Variants in BPTF observed in about 807,000 individuals in gnomAD.
The protein encoded by BPTF is nucleosome-remodeling factor subunit BPTF.
BPTF carries 18 observed loss-of-function variants against 292.5 expected under a neutral mutation model. The observed-to-expected ratio is 0.06, with a 90% CI of 0.04 to 0.09. The LOEUF is 0.09. BPTF is among the 10% of genes least tolerant of loss of function. The probability of loss-of-function intolerance (pLI) is 1.00; values close to 1 mark genes in which losing one functional copy is unlikely to be tolerated. For missense variants in BPTF, 2,726 were observed against 3,498.7 expected (o/e 0.78, Z 5.57); for synonymous variants, 1,225 against 1,251.9 (o/e 0.98, Z 0.45).
chr17:67,929,568 T>A, intron 17 of BPTF, 81 bp downstream of exon 17: 2 of 1,471,534 alleles, frequency 1.4e-6, no homozygotes, highest in East Asian at 2.4e-5. Context: ...CCAAGATTAA[T>A]CCAACTCAGT....
intron 11 of BPTF, among the ~76,000 whole-genome samples, chr17:67,915,968 T>G (rs2062957017): frequency 6.6e-6 from 1 of 152,216 alleles, no homozygotes; most frequent in African/African-American, 2.4e-5. Context: ...TTAAAGTCAT[T>G]GTTTGACCAC....
chr17:67,893,744 A>G lies in BPTF; in HGVS notation c.2411+19A>G. 6.7e-7 allele frequency: 1 copy of G among 1,482,768 alleles called. No individual in the cohort carries two copies. The highest frequency in any genetic ancestry group is 9.3e-7 in the Non-Finnish European group (1 of 1,080,920). 91.9% of individuals were successfully genotyped at this position (1,482,768 alleles called of 1,614,324 possible). On this transcript the variant is annotated intron_variant, in intron 6 of 27. Coordinates refer to ENST00000306378, the MANE Select transcript of BPTF (RefSeq NM_182641.4). ...CACATAGGTAAAGGAAACTAAGGTTAATTTATTGCTGTAAATATACTAAAT... is the reference window on the plus strand; with the variant it reads ...CACATAGGTAAAGGAAACTAAGGTTGATTTATTGCTGTAAATATACTAAAT...
At chr17:67,885,078 A>T (rs1410315640) in intron 4 of BPTF, among the ~76,000 whole-genome samples, 1 of 152,202 alleles carries the variant, frequency 6.6e-6, no homozygotes, top group African/African-American at 2.4e-5. Context: ...GAAACCCAAA[A>T]TTATACATTA....
At chr17:67,834,243 GATTTCTAAT>G (rs2144022070) in intron 1 of BPTF, among the ~76,000 whole-genome samples, 1 of 152,184 alleles carries the variant, frequency 6.6e-6, no homozygotes, top group South Asian at 2.1e-4. Context: ...TTCTGTTACT[GATTTCTAAT>G]TTAATTTCAT....
chr17:67,863,507 A>G (rs913069916), intron 2 of BPTF, among the ~76,000 whole-genome samples: 3 of 152,094 alleles, frequency 2.0e-5, no homozygotes, highest in African/African-American at 7.2e-5. Flanking sequence ...GATGGTCTCC[A>G]TCTCCTGACC....
intron 7 of BPTF, 21 bp downstream of exon 7, chr17:67,894,186 G>A: frequency 6.2e-7 from 1 of 1,612,138 alleles, no homozygotes; most frequent in Non-Finnish European, 8.5e-7. Context: ...TCTGAGCCTT[G>A]TAAATGATGA....
intron 1 of BPTF, among the ~76,000 whole-genome samples, chr17:67,838,827 C>G (rs554412736): frequency 7.9e-5 from 12 of 152,184 alleles, no homozygotes; most frequent in Non-Finnish European, 1.8e-4. Flanking sequence ...AATTCATTTG[C>G]TAAATATTTT....
At chr17:67,960,670 C>T (rs1418919087) in intron 24 of BPTF, among the ~76,000 whole-genome samples, 1 of 152,166 alleles carries the variant, frequency 6.6e-6, no homozygotes, top group African/African-American at 2.4e-5. Flanking sequence ...ATACTTTTTA[C>T]AGGACCAAAA....
chr17:67,847,541 G>T (rs1201505237), intron 1 of BPTF, among the ~76,000 whole-genome samples: 1 of 151,042 alleles, frequency 6.6e-6, no homozygotes, highest in African/African-American at 2.4e-5. Context: ...TCCGGGTGTG[G>T]TGGTGGGCAC....
At position 67,916,045 on chromosome 17, in the gene BPTF, T is replaced by G. The variant is rs948487811; in HGVS notation, c.5304-2669T>G. 2.0e-5 allele frequency among the ~76,000 whole-genome samples: 3 copies of G among 152,120 alleles called. No homozygotes were observed. In the South Asian group the frequency reaches 6.2e-4, roughly 32 times the overall value. ...TTGCTTTCTCCTGTGACACTAAAGA[T>G]CTCTAGGAATTACTATGGGGTATGG... On this transcript the variant is annotated intron_variant, in intron 11 of 27. Transcript: ENST00000306378.
intron 3 of BPTF, among the ~76,000 whole-genome samples, chr17:67,872,464 A>G (rs1418514527): frequency 6.6e-6 from 1 of 152,136 alleles, no homozygotes; most frequent in African/African-American, 2.4e-5. Context: ...CTGTAATCCT[A>G]GCACTTTGAG....
At chr17:67,953,843 G>C (rs1271491065) in intron 23 of BPTF, among the ~76,000 whole-genome samples, 3 of 151,794 alleles carry the variant, frequency 2.0e-5, no homozygotes, top group Admixed American at 6.6e-5. Flanking sequence ...GCCTCCCAAA[G>C]TGCTGGGATT....
intron 1 of BPTF, among the ~76,000 whole-genome samples, chr17:67,836,039 T>C (rs1269078851): frequency 6.6e-6 from 1 of 152,134 alleles, no homozygotes; most frequent in Non-Finnish European, 1.5e-5. Context: ...TCAGAGACTT[T>C]TGGTTGAGAA....
At position 67,973,078 on chromosome 17, in the gene BPTF, A is replaced by AAT. The variant is rs529205249; in HGVS notation, c.8540-2682_8540-2681dup. On this transcript the variant is annotated intron_variant, in intron 26 of 27. Coordinates refer to ENST00000306378, the MANE Select transcript of BPTF (RefSeq NM_182641.4). ...TTTATATATATATAAATATATATAT[A>AAT]ATATATATATATAAGGCCAGGCACG... 6.5e-3 allele frequency among the ~76,000 whole-genome samples: 937 copies of AAT among 144,618 alleles called. 5 individuals carry two copies. Among genetic ancestry groups the AAT allele is most frequent in the African/African-American group, 0.018 (733 of 39,670 alleles). 94.9% of individuals were successfully genotyped at this position (144,618 alleles called of 152,430 possible). A position where few individuals can be genotyped will look rare whatever the true frequency, so the allele number is the denominator to read the frequency against.
Position 67,940,390 on chromosome 17 carries a change from A to G in BPTF, c.6260-49A>G, listed in dbSNP as rs545179448. On this transcript the variant is annotated intron_variant, in intron 18 of 27. Coordinates refer to ENST00000306378, the MANE Select transcript of BPTF (RefSeq NM_182641.4). ...AGGTGTTGAATTATTTCAATTCAAA[A>G]TAATGCCAAGGGTGTATAAGCATTC... The G allele has an allele frequency of 2.6e-6, 4 of 1,528,308 alleles. No homozygotes were observed. The African/African-American group carries it at 5.5e-5, about 21-fold the overall frequency. 94.7% of individuals were successfully genotyped at this position (1,528,308 alleles called of 1,614,324 possible). A position where few individuals can be genotyped will look rare whatever the true frequency, so the allele number is the denominator to read the frequency against.
chr17:67,908,447 A>G (rs971359474), intron 9 of BPTF, among the ~76,000 whole-genome samples: 1 of 146,124 alleles, frequency 6.8e-6, no homozygotes, highest in East Asian at 2.0e-4. Context: ...GAGCCACCAC[A>G]CTCACCCAAA....
At chr17:67,934,104 G>A (rs1454266786) in intron 18 of BPTF, among the ~76,000 whole-genome samples, 1 of 152,036 alleles carries the variant, frequency 6.6e-6, no homozygotes, top group Non-Finnish European at 1.5e-5. Context: ...TAGTTCTTGA[G>A]TCATAGATAA....
chr17:67,852,864 G>C (rs8079555), intron 1 of BPTF, among the ~76,000 whole-genome samples: 15,429 of 152,262 alleles, frequency 0.1, 2,680 homozygotes, highest in African/African-American at 0.35. Flanking sequence ...GGCCGGGTGC[G>C]GTGGCTCACG....
chr17:67,897,491 G>C (rs1260795076), intron 7 of BPTF, among the ~76,000 whole-genome samples: 1 of 152,034 alleles, frequency 6.6e-6, no homozygotes, highest in Non-Finnish European at 1.5e-5. Flanking sequence ...CAAAGAAAGG[G>C]GTCCACCTAG....
Sources: gnomAD v4.1 joint callset for allele counts (sites outside exome capture counted in the v4.1 genomes callset) on GRCh38, gnomAD v4.1.1 for gene constraint, MANE v1.5 for transcripts, NCBI Gene and HGNC (gene_info 2026-07-23, HGNC 2026-07-21) for gene names.